The following AVEN variants were observed in gnomAD, a reference collection of about 807,000 sequenced individuals.
AVEN encodes the protein apoptosis and caspase activation inhibitor.
A neutral mutation model predicts 38.1 loss-of-function variants in AVEN; 41 were observed. The observed-to-expected ratio is 1.08, with a 90% CI of 0.84 to 1.40. AVEN has a LOEUF of 1.40. Among genes scored for constraint, AVEN ranks in the 40% most tolerant of loss-of-function variants. The pLI is 0.00. For missense variants in AVEN, 605 were observed against 438.8 expected, an observed-to-expected ratio of 1.38 and a Z score of -3.38; for synonymous variants, 206 against 171.8, an observed-to-expected ratio of 1.20 and a Z score of -1.56.
At chr15:33,904,327 G>T (rs558207872) in intron 2 of AVEN, among the ~76,000 whole-genome samples, 2 of 152,320 alleles carry the variant, frequency 1.3e-5, no homozygotes, top group East Asian at 3.9e-4. Flanking sequence ...GACTGAGGCA[G>T]GAGAACCACT....
intron 2 of AVEN, among the ~76,000 whole-genome samples, chr15:33,970,110 G>C (rs889466181): frequency 6.6e-6 from 1 of 151,948 alleles, no homozygotes; most frequent in Non-Finnish European, 1.5e-5. Flanking sequence ...AGGGAAACAA[G>C]AGCATATCAC....
intron 2 of AVEN, among the ~76,000 whole-genome samples, chr15:33,951,851 G>C (rs1894762600): frequency 6.6e-6 from 1 of 152,144 alleles, no homozygotes; most frequent in East Asian, 1.9e-4. Context: ...TTGATAAATA[G>C]ACTCAAAGTA....
chr15:34,001,822 T>C (rs1054515511), intron 2 of AVEN, among the ~76,000 whole-genome samples: 1 of 152,210 alleles, frequency 6.6e-6, no homozygotes, highest in Non-Finnish European at 1.5e-5. Flanking sequence ...GTTCTTAGTC[T>C]GGTGCCAGCA....
chr15:33,878,062 G>T (rs139109361), intron 2 of AVEN, among the ~76,000 whole-genome samples: 42 of 152,096 alleles, frequency 2.8e-4, no homozygotes, highest in African/African-American at 9.4e-4. Flanking sequence ...TTTATTAAAA[G>T]AAACTTTACA....
At chr15:33,863,544 G>A (rs889856005), downstream of AVEN, among the ~76,000 whole-genome samples, 2 of 152,324 alleles carry the variant, frequency 1.3e-5, no homozygotes, top group Non-Finnish European at 2.9e-5. Flanking sequence ...TGAGCTGAGA[G>A]TTCAGCCCCT....
chr15:34,056,154 G>A (rs1272105213), intron 5 of AVEN, among the ~76,000 whole-genome samples: 1 of 152,174 alleles, frequency 6.6e-6, no homozygotes, highest in Non-Finnish European at 1.5e-5. Flanking sequence ...GAAGAAAGTT[G>A]AGGGCTAAAA....
chr15:33,931,497 A>G (rs1334668093), intron 2 of AVEN, among the ~76,000 whole-genome samples: 1 of 151,244 alleles, frequency 6.6e-6, no homozygotes, highest in African/African-American at 2.4e-5. Flanking sequence ...CAGCCTCCAG[A>G]GTTGCTGGGA....
At chr15:33,873,482 T>C (rs1456516281) in intron 3 of AVEN, among the ~76,000 whole-genome samples, 1 of 148,320 alleles carries the variant, frequency 6.7e-6, no homozygotes, top group Non-Finnish European at 1.5e-5. Flanking sequence ...TGTGTGTGTG[T>C]ACATATATAT....
chr15:33,895,461 G>A (rs1384974021), intron 2 of AVEN, among the ~76,000 whole-genome samples: 1 of 151,814 alleles, frequency 6.6e-6, no homozygotes, highest in African/African-American at 2.4e-5. Flanking sequence ...GAATAGCTGG[G>A]ACTACAGGTA....
chr15:34,025,994 G>T (rs2632079), intron 1 of AVEN, among the ~76,000 whole-genome samples: 1 of 152,022 alleles, frequency 6.6e-6, no homozygotes, highest in African/African-American at 2.4e-5. Context: ...TTGTAGAATC[G>T]TCTTTTCAAA....
intron 1 of AVEN, among the ~76,000 whole-genome samples, chr15:34,028,358 AG>A (rs1898598284): frequency 1.3e-5 from 2 of 152,178 alleles, no homozygotes; most frequent in Admixed American, 1.3e-4. Flanking sequence ...TGAGCCCAGG[AG>A]TTCGAGAGCA....
At chr15:34,004,993 T>C (rs1022657632) in intron 1 of AVEN, among the ~76,000 whole-genome samples, 2 of 152,040 alleles carry the variant, frequency 1.3e-5, no homozygotes, top group Non-Finnish European at 2.9e-5. Context: ...TGAGCTTTTA[T>C]TAACACAGAA....
chr15:34,039,975 T>C (rs1899397325), upstream of AVEN, among the ~76,000 whole-genome samples: 1 of 152,196 alleles, frequency 6.6e-6, no homozygotes, highest in Non-Finnish European at 1.5e-5. Context: ...AAAGCAGTTT[T>C]TAACTTGGGA....
chr15:33,948,100 T>TC (rs1894575556), intron 2 of AVEN, among the ~76,000 whole-genome samples: 1 of 146,072 alleles, frequency 6.8e-6, no homozygotes, highest in Non-Finnish European at 1.5e-5. Flanking sequence ...ATTTTTCTTT[T>TC]CTTTTTTTTT....
At chr15:33,981,796 C>A (rs1260041174) in intron 2 of AVEN, among the ~76,000 whole-genome samples, 1 of 152,068 alleles carries the variant, frequency 6.6e-6, no homozygotes, top group African/African-American at 2.4e-5. Context: ...AAAATGTATA[C>A]AAAATACCAA....
At chr15:33,853,585 G>C in the AVEN span, 4 of 1,613,844 alleles carry the variant, frequency 2.5e-6, no homozygotes, top group African/African-American at 1.3e-5. Flanking sequence ...TCTCTACGGA[G>C]CAGAACGCAT....
chr15:33,901,660 C>T (rs1892501842), intron 2 of AVEN, among the ~76,000 whole-genome samples: 1 of 152,220 alleles, frequency 6.6e-6, no homozygotes, highest in African/African-American at 2.4e-5. Context: ...CTTTTCTCAA[C>T]ACCTCACCAA....
intron 2 of AVEN, among the ~76,000 whole-genome samples, chr15:33,985,064 T>C (rs649515): frequency 0.99 from 151,055 of 152,200 alleles, 74,971 homozygotes; most frequent in Middle Eastern, 1. Context: ...TCTGTACCTG[T>C]CACACTGAAC....
At chr15:33,933,032 T>A (rs1567420288) in intron 2 of AVEN, among the ~76,000 whole-genome samples, 1 of 152,082 alleles carries the variant, frequency 6.6e-6, no homozygotes, top group Non-Finnish European at 1.5e-5. Context: ...CAAAACAAAC[T>A]GTATTTCCTA....
Sources: allele counts gnomAD v4.1 joint callset (sites outside exome capture counted in the v4.1 genomes callset), GRCh38; gene constraint gnomAD v4.1.1; transcripts MANE v1.5; gene names NCBI Gene and HGNC (gene_info 2026-07-23, HGNC 2026-07-21).